Variants in ABI3BP observed in about 807,000 individuals in gnomAD.
ABI3BP encodes the protein ABI family member 3 binding protein.
ABI3BP carries 216 observed loss-of-function variants against 268.6 expected under a neutral mutation model. That is an observed-to-expected ratio of 0.80 (90% CI 0.72 to 0.90). ABI3BP has a LOEUF of 0.90. ABI3BP is among the 40% of genes least tolerant of loss of function. The probability of loss-of-function intolerance (pLI) is 0.00; values close to 1 mark genes in which losing one functional copy is unlikely to be tolerated. For missense variants in ABI3BP, 2,090 were observed against 2,182.4 expected, an observed-to-expected ratio of 0.96 and a Z score of 0.84; for synonymous variants, 730 against 730.0, an observed-to-expected ratio of 1.00 and a Z score of 0.00.
chr3:100,929,219 C>T (rs1009724402), intron 1 of ABI3BP, among the ~76,000 whole-genome samples: 2 of 152,050 alleles, frequency 1.3e-5, no homozygotes, highest in African/African-American at 4.8e-5. Context: ...ACAGCATCAT[C>T]ATCACGTTAG....
At position 100,838,203 on chromosome 3, in the gene ABI3BP, T is replaced by C; in HGVS notation, c.2083+7A>G. ...TGTTAAGCTAAAGCACTGGAAATTA[T>C]GTTTACCGGATTTAGTTGGTGGCAT... On this transcript the variant is annotated splice_region_variant and intron_variant, in intron 26 of 67. Transcript: ENST00000471714. 5 of 1,533,510 alleles carry C rather than the reference T, an allele frequency of 3.3e-6. No individual in the cohort carries two copies. The highest frequency in any genetic ancestry group is 1.2e-5 in the South Asian group (1 of 83,960). The allele number at this position is 1,533,510 out of a possible 1,614,324, so 95.0% of individuals were successfully genotyped here. A position where few individuals can be genotyped will look rare whatever the true frequency, so the allele number is the denominator to read the frequency against.
rs114054785 is a variant in ABI3BP at position 100,799,899 on chromosome 3, A to G, written c.3758-3431T>C. 4.5e-3 allele frequency among the ~76,000 whole-genome samples: 681 copies of G among 152,262 alleles called. 8 individuals carry two copies. The highest frequency in any genetic ancestry group is 0.016 in the African/African-American group (666 of 41,552). ...AGAAGTCCAGAAAACATCTTCAACC[A>G]TCAGTTAGGGTCTTCCCACTCAAAG... On this transcript the variant is annotated intron_variant, in intron 51 of 67. Coordinates refer to ENST00000471714, the MANE Select transcript of ABI3BP (RefSeq NM_001375547.2).
rs140657001 is a variant in ABI3BP at position 100,883,397 on chromosome 3, A to G, written c.696+2139T>C. Among the ~76,000 whole-genome samples, 721 of 152,244 alleles carry G rather than the reference A, an allele frequency of 4.7e-3. 4 individuals are homozygous for G. The highest frequency in any genetic ancestry group is 0.017 in the Middle Eastern group (5 of 294). ...TGTGAGAAAAATATTTCTAGATAGT[A>G]TCATCAACAGGTCAATGTTTCTTTA... On this transcript the variant is annotated intron_variant, in intron 6 of 67. Coordinates refer to ENST00000471714, the MANE Select transcript of ABI3BP (RefSeq NM_001375547.2).
chr3:100,833,120 A>T lies in ABI3BP; in HGVS notation c.2314+5T>A. The T allele has an allele frequency of 1.3e-6, 2 of 1,534,670 alleles. No homozygotes were observed. Among genetic ancestry groups the T allele is most frequent in the East Asian group, 4.9e-5 (2 of 40,834 alleles). On this transcript the variant is annotated splice_donor_5th_base_variant and intron_variant, in intron 30 of 67. Transcript: ENST00000471714. ...GACTTGCTGAAGGACATAGAGAGTC[A>T]TTACCTGAAGATGTCCCAGGAGTAA...
At chr3:100,810,594 T>C (rs966831087) in intron 48 of ABI3BP, 117 bp from the exon 49 acceptor site, 2 of 700,776 alleles carry the variant, frequency 2.9e-6, no homozygotes, top group African/African-American at 3.6e-5. Flanking sequence ...ATTGCAAGTC[T>C]GCAGCAAAAC....
chr3:100,816,590 G>T, intron 43 of ABI3BP, 98 bp downstream of exon 43: 1 of 956,042 alleles, frequency 1.0e-6, no homozygotes, highest in Non-Finnish European at 1.6e-6. Flanking sequence ...CATGATGACT[G>T]TTACTTCCCG....
chr3:100,816,072 T>G, intron 43 of ABI3BP, 101 bp from the exon 44 acceptor site: 1 of 902,096 alleles, frequency 1.1e-6, no homozygotes, highest in Non-Finnish European at 1.6e-6. Flanking sequence ...GATACACAAT[T>G]TTTTAAAACT....
chr3:100,969,837 C>CA, intron 1 of ABI3BP, among the ~76,000 whole-genome samples: 1 of 148,036 alleles, frequency 6.8e-6, no homozygotes, highest in South Asian at 2.1e-4. Context: ...CAGAGTAAAG[C>CA]TTTTTTTTTT....
intron 28 of ABI3BP, 43 bp downstream of exon 28, chr3:100,835,558 T>G: frequency 4.2e-6 from 6 of 1,436,738 alleles, no homozygotes; most frequent in Non-Finnish European, 5.6e-6. Context: ...GACTAGACAA[T>G]GAGCAGAAAA....
chr3:100,836,169 C>A (rs2098585064), intron 27 of ABI3BP, among the ~76,000 whole-genome samples: 1 of 152,026 alleles, frequency 6.6e-6, no homozygotes, highest in Non-Finnish European at 1.5e-5. Context: ...CCTCCTTATT[C>A]ATTTATTTCA....
Position 100,822,689 on chromosome 3 carries a change from T to C in ABI3BP, c.2804-17A>G. On this transcript the variant is annotated splice_polypyrimidine_tract_variant and intron_variant, in intron 37 of 67. Coordinates refer to ENST00000471714, the MANE Select transcript of ABI3BP (RefSeq NM_001375547.2). ...TTTTGGAAGCTGAAGGAAGAAGTTC[T>C]TGGGTTACAACATAACTGCATTATC... is the stretch of plus-strand genomic sequence containing the variant. 1 of 1,534,850 alleles carries C rather than the reference T, an allele frequency of 6.5e-7. No homozygotes were observed. The highest frequency in any genetic ancestry group is 8.7e-7 in the Non-Finnish European group (1 of 1,145,476).
chr3:100,904,271 A>G (rs2713791), intron 2 of ABI3BP, among the ~76,000 whole-genome samples: 148,848 of 152,146 alleles, frequency 0.98, 72,880 homozygotes, highest in East Asian at 1. Context: ...ATGCTTAGAA[A>G]AGCCCTATGC....
intron 3 of ABI3BP, among the ~76,000 whole-genome samples, chr3:100,900,158 C>T (rs1484269981): frequency 2.0e-5 from 3 of 152,168 alleles, no homozygotes; most frequent in South Asian, 2.1e-4. Context: ...GTTGGAAACA[C>T]GGGTTTATTC....
chr3:100,914,129 G>A (rs764031575), intron 2 of ABI3BP, among the ~76,000 whole-genome samples: 20 of 152,122 alleles, frequency 1.3e-4, no homozygotes, highest in Non-Finnish European at 2.6e-4. Flanking sequence ...AGTCCTATTT[G>A]TAGGACTGTT....
At chr3:100,804,234 C>A (rs1278505981) in intron 51 of ABI3BP, among the ~76,000 whole-genome samples, 1 of 152,104 alleles carries the variant, frequency 6.6e-6, no homozygotes, top group East Asian at 1.9e-4. Flanking sequence ...GAACAAAAGG[C>A]CTTCTCAGAT....
In ABI3BP at chr3:100,795,884, A is replaced by G. The variant is rs1184177094; in HGVS notation, c.3818-33T>C. On this transcript the variant is annotated intron_variant, in intron 52 of 67. Coordinates refer to ENST00000471714, the MANE Select transcript of ABI3BP (RefSeq NM_001375547.2). ...AAAAGCAAGCCAAAGGAACATATTTATGAGAATTACTACCTGGCAAAGTCA... is the reference window on the plus strand; with the variant it reads ...AAAAGCAAGCCAAAGGAACATATTTGTGAGAATTACTACCTGGCAAAGTCA... The G allele has an allele frequency of 6.3e-6, 8 of 1,271,494 alleles. No homozygotes were observed. In the African/African-American group the frequency reaches 1.2e-4, roughly 20 times the overall value. The allele number at this position is 1,271,494 out of a possible 1,614,324, so 78.8% of individuals were successfully genotyped here.
chr3:100,888,868 G>A (rs1056212113), intron 4 of ABI3BP, among the ~76,000 whole-genome samples: 3 of 150,996 alleles, frequency 2.0e-5, no homozygotes, highest in Non-Finnish European at 4.4e-5. Flanking sequence ...TACTTAAAGT[G>A]GTGAAGTAAA....
chr3:100,879,185 CT>C (rs1383702878), intron 6 of ABI3BP, among the ~76,000 whole-genome samples: 1 of 152,238 alleles, frequency 6.6e-6, no homozygotes, highest in African/African-American at 2.4e-5. Context: ...CCCTCACCCC[CT>C]GGTAACCACC....
At position 100,792,750 on chromosome 3, in the gene ABI3BP, G is replaced by A. The variant is rs1165942769; in HGVS notation, c.3965C>T (p.Thr1322Ile). The change falls in exon 55 of 68, where the codon ACC becomes ATC. Residue 1322 changes from threonine to isoleucine, a missense_variant. Coordinates refer to ENST00000471714, the MANE Select transcript of ABI3BP (RefSeq NM_001375547.2). ...AATCTTAGTTGTGAAAGGTTCTTGG[G>A]TGGATTGGTCTGTTTCTTCTAGAGA... ...QTTLEETDQS[T>I]QEPFTTKIPR... 6.2e-7 allele frequency: 1 copy of A among 1,611,438 alleles called. No homozygotes were observed. Among genetic ancestry groups the A allele is most frequent in the Non-Finnish European group, 8.5e-7 (1 of 1,178,244 alleles).
Sources: gnomAD v4.1 joint callset for allele counts (sites outside exome capture counted in the v4.1 genomes callset) on GRCh38, gnomAD v4.1.1 for gene constraint, MANE v1.5 for transcripts, NCBI Gene and HGNC (gene_info 2026-07-23, HGNC 2026-07-21) for gene names.